Variants in LGALS8 observed in about 807,000 individuals in gnomAD.
LGALS8 encodes galectin 8.
In LGALS8, 30 loss-of-function variants were observed where a neutral mutation model predicts 35.9. The ratio of observed to expected loss-of-function variants is 0.83; its 90% CI spans 0.62 to 1.13. The LOEUF (loss-of-function observed/expected upper bound fraction) is 1.13, where lower values mean the gene tolerates loss of function less well. LGALS8 is among the 50% of genes most tolerant of loss of function. LGALS8 has a pLI of 0.00. For missense variants in LGALS8, 366 were observed against 388.7 expected, an observed-to-expected ratio of 0.94 and a Z score of 0.49; for synonymous variants, 138 against 136.1, an observed-to-expected ratio of 1.01 and a Z score of -0.10.
At chr1:236,543,296 C>A (rs947030891) in intron 7 of LGALS8, 5 of 640,848 alleles carry the variant, frequency 7.8e-6, no homozygotes, top group Admixed American at 6.8e-5. Flanking sequence ...GGGGGCCTTC[C>A]TGGCGTGTTT....
rs115495077 is a variant in LGALS8, at chr1:236,543,284, C to G, written c.550-276C>G. On this transcript the variant is annotated intron_variant, in intron 7 of 9. Coordinates refer to ENST00000366584, the MANE Select transcript of LGALS8 (RefSeq NM_201544.4). ...ACAGTACTGCCTCAGACCCCAGGCA[C>G]AGGGGGCCTTCCTGGCGTGTTTCAC... 1.8e-3 allele frequency: 1,131 copies of G among 637,404 alleles called. 5 individuals carry two copies. The highest frequency in any genetic ancestry group is 0.016 in the African/African-American group (869 of 55,456). 39.5% of individuals were successfully genotyped at this position (637,404 alleles called of 1,614,324 possible).
rs746315996 is a variant in LGALS8 at position 236,548,126 on chromosome 1, G to GGAGA, written c.920_923dup (p.Asp308GlufsTer29). 4.7e-5 allele frequency: 76 copies of GGAGA among 1,613,872 alleles called. No individual in the cohort carries two copies. Among genetic ancestry groups the GGAGA allele is most frequent in the Non-Finnish European group, 5.9e-5 (70 of 1,179,922 alleles). Reference sequence around the variant, plus strand: ...CAGTATTGACACGCTGGAAATTAATGGAGACATCCACTTACTGGAAGTAAG... The same window carrying GGAGA: ...CAGTATTGACACGCTGGAAATTAATGGAGAGAGACATCCACTTACTGGAAGTAAG... On this transcript the variant is annotated frameshift_variant, in exon 10 of 10. Coordinates refer to ENST00000366584, the MANE Select transcript of LGALS8 (RefSeq NM_201544.4). LOFTEE classifies it high-confidence loss of function.
chr1:236,550,934 C>A lies in LGALS8; in HGVS notation c.*2773C>A. 4 of 1,607,232 alleles carry A rather than the reference C, an allele frequency of 2.5e-6. No homozygotes were observed. In the East Asian group the frequency reaches 6.7e-5, roughly 27 times the overall value. On this transcript the variant is annotated 3_prime_UTR_variant, in exon 10 of 10. Transcript: ENST00000366584. ...TAGCTCTGGAGTGGCTCTCCCAGGA[C>A]AGTTTCCAGTTGCTGAATAGTCTTT...
At chr1:236,541,815 G>T in intron 6 of LGALS8, 105 bp downstream of exon 6, 1 of 578,782 alleles carries the variant, frequency 1.7e-6, no homozygotes. Flanking sequence ...TATGCTTTTA[G>T]AACGCAAGTA....
At position 236,551,409 on chromosome 1, in the gene LGALS8, TC is replaced by T. The variant is rs3835675; in HGVS notation, c.*3249del. ...TACTGTTATTTCCTGGGCCTAAGAC[TC>T]TATGTTCCAGAACTGTCACAGCTCC... On this transcript the variant is annotated 3_prime_UTR_variant, in exon 10 of 10. Coordinates refer to ENST00000366584, the MANE Select transcript of LGALS8 (RefSeq NM_201544.4). 0.61 allele frequency: 100,338 copies of T among 165,054 alleles called. 31,652 individuals are homozygous for T. The highest frequency in any genetic ancestry group is 0.69 in the Non-Finnish European group (52,439 of 76,498). 10.2% of individuals were successfully genotyped at this position (165,054 alleles called of 1,614,324 possible).
At chr1:236,539,252 G>A (rs12758021) in intron 4 of LGALS8, 163 bp downstream of exon 4, 395,792 of 627,906 alleles carry the variant, frequency 0.63, 127,862 homozygotes, top group Non-Finnish European at 0.68. Flanking sequence ...GCACCTAAAT[G>A]TGAGGTATGG....
intron 9 of LGALS8, among the ~76,000 whole-genome samples, chr1:236,545,372 C>T (rs1275940340): frequency 2.0e-5 from 3 of 152,178 alleles, no homozygotes; most frequent in Admixed American, 2.0e-4. Flanking sequence ...ATACATCAGT[C>T]CCTTGGAACT....
intron 3 of LGALS8, among the ~76,000 whole-genome samples, chr1:236,538,309 G>GA (rs1440207708): frequency 1.3e-5 from 2 of 152,104 alleles, no homozygotes; most frequent in Non-Finnish European, 2.9e-5. Context: ...TTTAAGATGT[G>GA]AAAATTAAGT....
In LGALS8 at chr1:236,529,698, G is replaced by A. The variant is rs367842326; in HGVS notation, c.45+3583G>A. Among the ~76,000 whole-genome samples the A allele has an allele frequency of 8.4e-5, 12 of 142,668 alleles. No homozygotes were observed. The East Asian group carries it at 2.1e-3, about 25-fold the overall frequency. The allele number at this position is 142,668 out of a possible 152,430, so 93.6% of individuals were successfully genotyped here. A position where few individuals can be genotyped will look rare whatever the true frequency, so the allele number is the denominator to read the frequency against. On this transcript the variant is annotated intron_variant, in intron 2 of 9. Coordinates refer to ENST00000366584, the MANE Select transcript of LGALS8 (RefSeq NM_201544.4). ...GAGGCTTGCTCTATTGCCCATGCTG[G>A]AGTGCAGTGGTGCAATCTCGGCTCA...
chr1:236,547,862 G>T, intron 9 of LGALS8, 150 bp from the exon 10 acceptor site: 1 of 614,870 alleles, frequency 1.6e-6, no homozygotes. Flanking sequence ...AGTTAGATTA[G>T]GGTCTTGGAA....
chr1:236,543,756 T>C (rs747869128), intron 8 of LGALS8, 108 bp downstream of exon 8: 1 of 774,062 alleles, frequency 1.3e-6, no homozygotes, highest in Non-Finnish European at 2.3e-6. Flanking sequence ...GTCAGAATCT[T>C]CATTTCCAAA....
rs769928902 is a variant in LGALS8 at position 236,542,880 on chromosome 1, A to C, written c.549+93A>C. 3.1e-5 allele frequency: 50 copies of C among 1,614,094 alleles called. No homozygotes were observed. The South Asian group carries it at 5.1e-4, about 16-fold the overall frequency. ...TAAACCGTGGAGGGCAGCTTCATTC[A>C]TTCCATTCCTTACTGTAGAACTGTT... On this transcript the variant is annotated intron_variant, in intron 7 of 9. Coordinates refer to ENST00000366584, the MANE Select transcript of LGALS8 (RefSeq NM_201544.4).
In LGALS8 at chr1:236,550,935, A is replaced by C; in HGVS notation, c.*2774A>C. 6.2e-7 allele frequency: 1 copy of C among 1,609,502 alleles called. No individual in the cohort carries two copies. The highest frequency in any genetic ancestry group is 8.5e-7 in the Non-Finnish European group (1 of 1,178,684). ...AGCTCTGGAGTGGCTCTCCCAGGAC[A>C]GTTTCCAGTTGCTGAATAGTCTTTT... is the stretch of plus-strand genomic sequence containing the variant. On this transcript the variant is annotated 3_prime_UTR_variant, in exon 10 of 10. Coordinates refer to ENST00000366584, the MANE Select transcript of LGALS8 (RefSeq NM_201544.4).
intron 2 of LGALS8, among the ~76,000 whole-genome samples, chr1:236,527,876 C>T (rs901414087): frequency 2.0e-5 from 3 of 152,012 alleles, no homozygotes; most frequent in Admixed American, 2.0e-4. Context: ...GCTGGGACTG[C>T]AGGCACGTGC....
Position 236,526,145 on chromosome 1 carries a change from C to G in LGALS8, c.45+30C>G. On this transcript the variant is annotated intron_variant, in intron 2 of 9. Coordinates refer to ENST00000366584, the MANE Select transcript of LGALS8 (RefSeq NM_201544.4). This position sits in a 1 kb window ranked among gnomAD's most constrained non-coding sequence, Gnocchi z 4.6. The stretch of plus-strand genomic sequence containing the variant: ...CTGATTTCTATAAGATAACTTTTTA[C>G]CTATGCCAGGACAGATCCAATAGAA... 6.7e-7 allele frequency: 1 copy of G among 1,487,856 alleles called. No individual in the cohort carries two copies. Among genetic ancestry groups the G allele is most frequent in the Non-Finnish European group, 9.4e-7 (1 of 1,066,120 alleles). 92.2% of individuals were successfully genotyped at this position (1,487,856 alleles called of 1,614,324 possible).
At chr1:236,545,142 A>G in intron 9 of LGALS8, 1 of 356,184 alleles carries the variant, frequency 2.8e-6, no homozygotes, top group South Asian at 5.8e-5. Context: ...ATTTGTCATC[A>G]TATTAAAATT....
rs1660885773 is a variant in LGALS8, at chr1:236,527,662, T to A, written c.45+1547T>A. Among the ~76,000 whole-genome samples the A allele has an allele frequency of 4.0e-5, 6 of 149,672 alleles. No homozygotes were observed. In the Admixed American group the frequency reaches 4.1e-4, roughly 10 times the overall value. On this transcript the variant is annotated intron_variant, in intron 2 of 9. Coordinates refer to ENST00000366584, the MANE Select transcript of LGALS8 (RefSeq NM_201544.4). ...CTGTATTGCACTGAATTTCTCTCATTTGTAGCTAGTTGCCCTTTCAATGTT... is the reference window on the plus strand; with the variant it reads ...CTGTATTGCACTGAATTTCTCTCATATGTAGCTAGTTGCCCTTTCAATGTT...
At chr1:236,545,669 A>T (rs1662318943) in intron 9 of LGALS8, among the ~76,000 whole-genome samples, 1 of 152,216 alleles carries the variant, frequency 6.6e-6, no homozygotes, top group Admixed American at 6.5e-5. Context: ...TATCAGGCGG[A>T]ATAGATAGCA....
rs370612417 is a variant in LGALS8 at position 236,540,683 on chromosome 1, G to C, written c.465G>C (p.Ser155=). ...NIHSIGFSFS[S]DLQSTQASSL... is the part of the protein sequence containing the mutation. ...ACTCAATTGGTTTTAGCTTCAGCTC[G>C]GTGAGTGACCTTCCACAGCTTGGGG... The change falls in exon 5 of 10, where the codon TCG becomes TCC. Residue 155 remains serine (S), a splice_region_variant and synonymous_variant. Transcript: ENST00000366584. 1 of 1,603,070 alleles carries C rather than the reference G, an allele frequency of 6.2e-7. No individual in the cohort carries two copies. Among genetic ancestry groups the C allele is most frequent in the African/African-American group, 1.3e-5 (1 of 74,402 alleles).
Sources: allele counts gnomAD v4.1 joint callset (sites outside exome capture counted in the v4.1 genomes callset), GRCh38; gene constraint gnomAD v4.1.1; non-coding constraint Gnocchi (gnomAD v3.1); transcripts MANE v1.5; gene names NCBI Gene and HGNC (gene_info 2026-07-23, HGNC 2026-07-21).